Variants in GRHL3 observed in about 807,000 individuals in gnomAD.
The protein encoded by GRHL3 is grainyhead-like protein 3 homolog.
In GRHL3, 20 loss-of-function variants were observed where a neutral mutation model predicts 70.3. The observed-to-expected ratio is 0.28, with a 90% confidence interval of 0.20 to 0.41. The LOEUF is 0.41. Among genes scored for constraint, GRHL3 ranks in the 10% least tolerant of loss-of-function variants. The pLI is 1.00. For missense variants in GRHL3, 637 were observed against 762.3 expected, an observed-to-expected ratio of 0.84 and a Z score of 1.94; for synonymous variants, 299 against 299.9, an observed-to-expected ratio of 1.00 and a Z score of 0.03.
rs780387778 is a variant in GRHL3, at chr1:24,319,505, G to A, written c.-47G>A. ...TGTCAGGCAAGAATTAGAGACAAGC[G>A]GTCAGCAGAGCCTCAGTGCTGATCG... is the stretch of plus-strand genomic sequence containing the variant. On this transcript the variant is annotated 5_prime_UTR_variant, in exon 1 of 16. Transcript: ENST00000361548. 1.3e-6 allele frequency: 2 copies of A among 1,534,446 alleles called. No homozygotes were observed. Among genetic ancestry groups the A allele is most frequent in the South Asian group, 1.1e-5 (1 of 89,474 alleles).
Position 24,319,390 on chromosome 1 carries a change from G to C in GRHL3, c.-162G>C. The C allele has an allele frequency of 1.3e-6, 1 of 763,082 alleles. No homozygotes were observed. Among genetic ancestry groups the C allele is most frequent in the Admixed American group, 1.9e-5 (1 of 52,930 alleles). 47.3% of individuals were successfully genotyped at this position (763,082 alleles called of 1,614,324 possible). On this transcript the variant is annotated 5_prime_UTR_variant, in exon 1 of 16. Transcript: ENST00000361548. ...GCACCTGTACCTGTAGCCAATCAGC[G>C]CCAGCGCTGCTGGGAACCTACCTGT...
At position 24,336,713 on chromosome 1, in the gene GRHL3, C is replaced by T; in HGVS notation, c.498C>T (p.Pro166=). 6.2e-7 allele frequency: 1 copy of T among 1,614,160 alleles called. No individual in the cohort carries two copies. Among genetic ancestry groups the T allele is most frequent in the East Asian group, 2.2e-5 (1 of 44,870 alleles). The change falls in exon 4 of 16, where the codon CCC becomes CCT. Residue 166 remains proline, a synonymous_variant. Transcript: ENST00000361548. ...EAGSVDSYLL[P]TTDMYDNGSL... is the part of the protein sequence containing the mutation. ...GCTCTGTGGACAGCTACCTGTTACC[C>T]ACCACTGATATGTATGATAATGGCT...
At position 24,321,044 on chromosome 1, in the gene GRHL3, A is replaced by C. The variant is rs1172882989; in HGVS notation, c.17+1476A>C. Among the ~76,000 whole-genome samples the C allele has an allele frequency of 6.6e-6, 1 of 152,150 alleles. No individual in the cohort carries two copies. Among genetic ancestry groups the C allele is most frequent in the Non-Finnish European group, 1.5e-5 (1 of 68,022 alleles). On this transcript the variant is annotated intron_variant, in intron 1 of 15. Transcript: ENST00000361548. The surrounding 1 kb of genome is among the most constrained non-coding windows in gnomAD (Gnocchi z 4.0). Reference sequence around the variant, plus strand: ...ACTAACCAATCAATGAGCATTCCCAAACCTCTTGCTATTTTTCCATACTTT... The same window carrying C: ...ACTAACCAATCAATGAGCATTCCCACACCTCTTGCTATTTTTCCATACTTT...
At chr1:24,338,721 C>T (rs774543783) in intron 7 of GRHL3, among the ~76,000 whole-genome samples, 8 of 152,206 alleles carry the variant, frequency 5.3e-5, no homozygotes, top group African/African-American at 7.2e-5. Context: ...ATGATACACA[C>T]GGGACTGTTT....
In GRHL3 at chr1:24,346,579, C is replaced by T. The variant is rs781686245; in HGVS notation, c.1481C>T (p.Pro494Leu). The T allele has an allele frequency of 6.2e-7, 1 of 1,613,264 alleles. No homozygotes were observed. The highest frequency in any genetic ancestry group is 1.7e-5 in the Admixed American group (1 of 60,010). Residue 494 changes from proline to leucine, a missense_variant, in exon 13 of 16, where the codon CCC becomes CTC. Pro to Leu is a moderately conservative substitution (Grantham distance 98). Around this residue, in one of 2 missense-constraint regions of GRHL3, gnomAD observed 387 missense variants for 513.8 expected, o/e 0.75. Transcript: ENST00000361548. ...NRLPLKRTCS[P>L]FTEEFEPLPS... is the part of the protein sequence containing the mutation. ...CTGCCTCTGAAGCGTACCTGCTCGCCCTTCACTGAGGAGTTTGAGCCTCTG... is the reference window on the plus strand; with the variant it reads ...CTGCCTCTGAAGCGTACCTGCTCGCTCTTCACTGAGGAGTTTGAGCCTCTG...
At position 24,355,046 on chromosome 1, in the gene GRHL3, C is replaced by G. The variant is rs114703003; in HGVS notation, c.*558C>G. On this transcript the variant is annotated 3_prime_UTR_variant, in exon 16 of 16. Coordinates refer to ENST00000361548, the MANE Select transcript of GRHL3 (RefSeq NM_198173.3). ...GCAGGATGTAAATAGCACTAACGAT[C>G]GACTGGAACAAAGTGACCGCTGTGT... The G allele has an allele frequency of 1.2e-4, 19 of 152,780 alleles. No individual in the cohort carries two copies. The highest frequency in any genetic ancestry group is 4.6e-4 in the African/African-American group (19 of 41,536). 9.5% of individuals were successfully genotyped at this position (152,780 alleles called of 1,614,324 possible). A position where few individuals can be genotyped will look rare whatever the true frequency, so the allele number is the denominator to read the frequency against.
At chr1:24,360,933 C>T in intron 15 of GRHL3, 1 of 1,614,030 alleles carries the variant, frequency 6.2e-7, no homozygotes, top group Non-Finnish European at 8.5e-7. Flanking sequence ...AGATGAAATG[C>T]TTGCGGGGGC....
intron 5 of GRHL3, 52 bp downstream of exon 5, chr1:24,337,203 G>A (rs1273153668): frequency 7.6e-7 from 1 of 1,317,602 alleles, no homozygotes; most frequent in Non-Finnish European, 1.1e-6. Flanking sequence ...GCAGGAGGCT[G>A]CAGACAGAGC....
intron 1 of GRHL3, among the ~76,000 whole-genome samples, chr1:24,329,149 T>C (rs1639509112): frequency 6.6e-6 from 1 of 152,208 alleles, no homozygotes; most frequent in Admixed American, 6.5e-5. Context: ...GGAAAGTTTC[T>C]GTCATTTCTC....
intron 3 of GRHL3, among the ~76,000 whole-genome samples, chr1:24,335,918 C>A (rs976223583): frequency 1.1e-4 from 17 of 152,164 alleles, no homozygotes; most frequent in African/African-American, 3.9e-4. Flanking sequence ...ATTAGCTCTT[C>A]TGATTACAAA....
At chr1:24,319,935 C>T in intron 1 of GRHL3, 1 of 349,650 alleles carries the variant, frequency 2.9e-6, no homozygotes, top group South Asian at 2.7e-5. Context: ...AAAGGAACTT[C>T]TTTAAGGTAG....
chr1:24,350,004 T>C lies in GRHL3; in HGVS notation c.1630-54T>C, dbSNP rs375189686. The stretch of plus-strand genomic sequence containing the variant: ...AAAAAAAGTGATGGCATAAAAGACT[T>C]GTATAAATCTAGCGTGGGCAGCAGG... On this transcript the variant is annotated intron_variant, in intron 14 of 15. Transcript: ENST00000361548. 204 of 1,367,996 alleles carry C rather than the reference T, an allele frequency of 1.5e-4. 1 individual carries two copies. The highest frequency in any genetic ancestry group is 2.0e-4 in the Non-Finnish European group (198 of 968,100). 84.7% of individuals were successfully genotyped at this position (1,367,996 alleles called of 1,614,324 possible). A position where few individuals can be genotyped will look rare whatever the true frequency, so the allele number is the denominator to read the frequency against.
Position 24,336,813 on chromosome 1 carries a change from G to T in GRHL3, c.598G>T (p.Asp200Tyr). The change falls in exon 4 of 16, where the codon GAT becomes TAT. Residue 200 changes from aspartate (D) to tyrosine (Y), a missense_variant. Asp to Tyr is a radical substitution (Grantham distance 160). Around this residue, in one of 2 missense-constraint regions of GRHL3, gnomAD observed 250 missense variants for 248.6 expected, o/e 1.01. Coordinates refer to ENST00000361548, the MANE Select transcript of GRHL3 (RefSeq NM_198173.3). ...QRWQPDSTFK[D>Y]DPQESMLFPD... ...CTGGCAGCCAGACAGCACCTTCAAA[G>T]ATGACCCACAGGAGGTGAGGGCGCA... 6.2e-7 allele frequency: 1 copy of T among 1,605,758 alleles called. No homozygotes were observed. The highest frequency in any genetic ancestry group is 8.5e-7 in the Non-Finnish European group (1 of 1,174,752).
chr1:24,326,267 A>G (rs1639383452), intron 1 of GRHL3, among the ~76,000 whole-genome samples: 1 of 152,086 alleles, frequency 6.6e-6, no homozygotes, highest in Non-Finnish European at 1.5e-5. Flanking sequence ...TGCCAGGCTG[A>G]TGCCTTTGAT....
chr1:24,331,576 T>A lies in GRHL3; in HGVS notation c.168T>A (p.Ser56Arg). 6.2e-7 allele frequency: 1 copy of A among 1,613,868 alleles called. No homozygotes were observed. Among genetic ancestry groups the A allele is most frequent in the Non-Finnish European group, 8.5e-7 (1 of 1,179,894 alleles). Residue 56 changes from serine to arginine, a missense_variant, in exon 2 of 16, where the codon AGT becomes AGA. Physicochemically the swap from Ser to Arg is moderately radical, Grantham distance 110. Around this residue, in one of 2 missense-constraint regions of GRHL3, gnomAD observed 250 missense variants for 248.6 expected, o/e 1.01. Transcript: ENST00000361548. ...TGAGAGTCAATGGAGATGATGACAG[T>A]GTTGCGGCCTTGAGCTTCCTCTATG... is the stretch of plus-strand genomic sequence containing the variant. ...AMMRVNGDDD[S>R]VAALSFLYDY...
intron 1 of GRHL3, among the ~76,000 whole-genome samples, chr1:24,325,265 G>T (rs941464897): frequency 1.3e-5 from 2 of 152,156 alleles, no homozygotes; most frequent in Middle Eastern, 3.2e-3. Flanking sequence ...ACCTTCTTTG[G>T]TGGAGCTTGA....
At chr1:24,325,814 C>T (rs1259762942) in intron 1 of GRHL3, among the ~76,000 whole-genome samples, 5 of 152,206 alleles carry the variant, frequency 3.3e-5, no homozygotes, top group Admixed American at 3.3e-4. Flanking sequence ...TGAGGCCTAT[C>T]AGGTAGACCC....
Position 24,354,636 on chromosome 1 carries a change from C to T in GRHL3, c.*148C>T, listed in dbSNP as rs74060303. The T allele has an allele frequency of 1.9e-3, 1,112 of 601,038 alleles. 7 individuals are homozygous for T. Among genetic ancestry groups the T allele is most frequent in the African/African-American group, 0.011 (613 of 54,292 alleles). 37.2% of individuals were successfully genotyped at this position (601,038 alleles called of 1,614,324 possible). ...GGCCCTTGAGTCACAGACCCACAGACGTCAGGGCCAGGGAGAGACCTAGGG... is the reference window on the plus strand; with the variant it reads ...GGCCCTTGAGTCACAGACCCACAGATGTCAGGGCCAGGGAGAGACCTAGGG... On this transcript the variant is annotated 3_prime_UTR_variant, in exon 16 of 16. Transcript: ENST00000361548.
At chr1:24,319,672 C>T in intron 1 of GRHL3, 104 bp downstream of exon 1, 1 of 1,607,422 alleles carries the variant, frequency 6.2e-7, no homozygotes, top group Non-Finnish European at 8.5e-7. Flanking sequence ...ATTCACAGAG[C>T]AATTTGTAAG....
Sources: allele counts gnomAD v4.1 joint callset (sites outside exome capture counted in the v4.1 genomes callset), GRCh38; gene constraint gnomAD v4.1.1; regional missense constraint gnomAD v4.1.1; non-coding constraint Gnocchi (gnomAD v3.1); transcripts MANE v1.5; gene names NCBI Gene and HGNC (gene_info 2026-07-23, HGNC 2026-07-21).